Variants in PRKN observed in about 807,000 individuals in gnomAD.
PRKN encodes parkin RBR E3 ubiquitin protein ligase, also known as E3 ubiquitin-protein ligase parkin.
In PRKN, 56 loss-of-function variants were observed where a neutral mutation model predicts 59.5. That is an observed-to-expected ratio of 0.94 (90% CI 0.76 to 1.18). The LOEUF is 1.18. Among genes scored for constraint, PRKN ranks in the 50% most tolerant of loss-of-function variants. The pLI, the probability that PRKN is intolerant of heterozygous loss-of-function variation, is 0.00. For missense variants in PRKN, 657 were observed against 596.4 expected, an observed-to-expected ratio of 1.10 and a Z score of -1.06; for synonymous variants, 250 against 222.1, an observed-to-expected ratio of 1.13 and a Z score of -1.12.
At chr6:162,546,973 T>A (rs1285686126) in intron 1 of PRKN, among the ~76,000 whole-genome samples, 2 of 152,222 alleles carry the variant, frequency 1.3e-5, no homozygotes, top group Non-Finnish European at 2.9e-5. Context: ...CTTGGGTTAA[T>A]AATGAAACAT....
chr6:162,113,796 A>G (rs1780546730), intron 4 of PRKN, among the ~76,000 whole-genome samples: 1 of 152,174 alleles, frequency 6.6e-6, no homozygotes, highest in South Asian at 2.1e-4. Context: ...TGCCCTGCCT[A>G]TGTCCTGAAT....
chr6:162,551,071 A>G (rs1779314426), intron 1 of PRKN, among the ~76,000 whole-genome samples: 1 of 152,178 alleles, frequency 6.6e-6, no homozygotes, highest in Admixed American at 6.5e-5. Flanking sequence ...TTAGTGATCT[A>G]GTGATCTGAT....
At position 161,622,611 on chromosome 6, in the gene PRKN, A is replaced by G. The variant is rs572690854; in HGVS notation, c.872-53195T>C. Among the ~76,000 whole-genome samples, 323 of 152,304 alleles carry G rather than the reference A, an allele frequency of 2.1e-3. 1 individual carries two copies. The highest frequency in any genetic ancestry group is 3.8e-3 in the Non-Finnish European group (260 of 68,036). Reference sequence around the variant, plus strand: ...ACCCCACAGTCCATGTGAGCCTGAAAGAGAGGTTCTGTTCCTCTTCTGTCT... The same window carrying G: ...ACCCCACAGTCCATGTGAGCCTGAAGGAGAGGTTCTGTTCCTCTTCTGTCT... On this transcript the variant is annotated intron_variant, in intron 7 of 11. Coordinates refer to ENST00000366898, the MANE Select transcript of PRKN (RefSeq NM_004562.3).
At chr6:162,447,719 T>C (rs1161990540) in intron 1 of PRKN, among the ~76,000 whole-genome samples, 1 of 152,108 alleles carries the variant, frequency 6.6e-6, no homozygotes, top group Non-Finnish European at 1.5e-5. Context: ...GTAGTCAATA[T>C]CAATAATTAA....
At chr6:161,897,970 A>AAAAAAAAAAAAAAAAAAAAAAAAC (rs1318259484) in intron 6 of PRKN, among the ~76,000 whole-genome samples, 1 of 138,236 alleles carries the variant, frequency 7.2e-6, no homozygotes, top group African/African-American at 2.8e-5. Flanking sequence ...CCGTCTCAAA[A>AAAAAAAAAAAAAAAAAAAAAAAAC]AAAAAAAAAA....
chr6:161,968,765 G>A (rs570523297), intron 6 of PRKN, among the ~76,000 whole-genome samples: 79 of 151,516 alleles, frequency 5.2e-4, no homozygotes, highest in Non-Finnish European at 1.0e-3. Flanking sequence ...TTATCTCCAG[G>A]AAAATATAAT....
chr6:162,717,490 C>A (rs945059113), intron 1 of PRKN, among the ~76,000 whole-genome samples: 1 of 149,244 alleles, frequency 6.7e-6, no homozygotes, highest in Non-Finnish European at 1.5e-5. Flanking sequence ...AAGTTGAGCC[C>A]AGGAATTCAA....
chr6:161,780,974 T>C (rs1329423159), intron 7 of PRKN, among the ~76,000 whole-genome samples: 1 of 152,220 alleles, frequency 6.6e-6, no homozygotes, highest in Non-Finnish European at 1.5e-5. Context: ...AACAATCTTG[T>C]GACAAACCGA....
chr6:161,710,859 T>TCCC (rs1786714259), intron 7 of PRKN, among the ~76,000 whole-genome samples: 1 of 51,550 alleles, frequency 1.9e-5, no homozygotes, highest in Non-Finnish European at 4.5e-5. Context: ...TTCCCTTCCC[T>TCCC]TCCCTTTCCT....
intron 7 of PRKN, among the ~76,000 whole-genome samples, chr6:161,724,046 G>A (rs1198395660): frequency 1.3e-5 from 2 of 152,180 alleles, no homozygotes; most frequent in Admixed American, 1.3e-4. Flanking sequence ...AGATGTTTCA[G>A]CAACATTTCT....
intron 2 of PRKN, among the ~76,000 whole-genome samples, chr6:162,282,807 G>A (rs1780972405): frequency 6.6e-6 from 1 of 152,130 alleles, no homozygotes; most frequent in Admixed American, 6.5e-5. Context: ...GGTACACATA[G>A]CAAATTTTGA....
chr6:161,574,523 G>A (rs756420008), intron 7 of PRKN, among the ~76,000 whole-genome samples: 1 of 152,092 alleles, frequency 6.6e-6, no homozygotes, highest in Non-Finnish European at 1.5e-5. Flanking sequence ...AAATTCGTGA[G>A]TAAGCGCTCA....
chr6:161,361,232 T>TA lies in PRKN; in HGVS notation c.1168-1028dup, dbSNP rs1461875462. The stretch of plus-strand genomic sequence containing the variant: ...CGAATTCCAAGCCTTTTTGAAATGT[T>TA]AAAGTTTTTGAGTCTTTATAGATGA... On this transcript the variant is annotated intron_variant, in intron 10 of 11. Transcript: ENST00000366898. This position sits in a 1 kb window ranked among gnomAD's most constrained non-coding sequence, Gnocchi z 5.2. Among the ~76,000 whole-genome samples the TA allele has an allele frequency of 2.6e-5, 4 of 152,248 alleles. No individual in the cohort carries two copies. The highest frequency in any genetic ancestry group is 5.9e-5 in the Non-Finnish European group (4 of 68,054).
chr6:161,569,949 T>C (rs1321653969), intron 7 of PRKN, among the ~76,000 whole-genome samples: 1 of 151,842 alleles, frequency 6.6e-6, no homozygotes, highest in Non-Finnish European at 1.5e-5. Context: ...AGAGGCTTTG[T>C]GAAGACCTAT....
At chr6:162,306,573 T>C (rs918658139) in intron 2 of PRKN, among the ~76,000 whole-genome samples, 2 of 152,154 alleles carry the variant, frequency 1.3e-5, no homozygotes, top group African/African-American at 4.8e-5. Flanking sequence ...TGTGTGAAAA[T>C]TGTTTTCCCC....
intron 6 of PRKN, among the ~76,000 whole-genome samples, chr6:161,856,615 T>C (rs1016799215): frequency 6.6e-6 from 1 of 152,150 alleles, no homozygotes; most frequent in African/African-American, 2.4e-5. Flanking sequence ...TTTCTACAAA[T>C]GTGTATTCCC....
intron 9 of PRKN, among the ~76,000 whole-genome samples, chr6:161,491,667 G>A (rs1777562906): frequency 6.6e-6 from 1 of 151,148 alleles, no homozygotes; most frequent in Admixed American, 6.6e-5. Flanking sequence ...GTCTTTCTCT[G>A]TCACCCGGGC....
chr6:161,817,905 C>T (rs554646479), intron 6 of PRKN, among the ~76,000 whole-genome samples: 5 of 152,246 alleles, frequency 3.3e-5, no homozygotes, highest in African/African-American at 9.6e-5. Flanking sequence ...CACTTCCCAC[C>T]GTTGCTCCAA....
At chr6:162,675,172 A>G (rs920649792) in intron 1 of PRKN, among the ~76,000 whole-genome samples, 8 of 151,630 alleles carry the variant, frequency 5.3e-5, no homozygotes, top group Non-Finnish European at 1.2e-4. Context: ...CTCAGCCTCC[A>G]GAGTAGCTGG....
Sources: gnomAD v4.1 joint callset for allele counts (sites outside exome capture counted in the v4.1 genomes callset) on GRCh38, gnomAD v4.1.1 for gene constraint, Gnocchi (gnomAD v3.1) non-coding constraint, MANE v1.5 for transcripts, NCBI Gene and HGNC (gene_info 2026-07-23, HGNC 2026-07-21) for gene names.